The following MRTFA variants were observed in gnomAD, a reference collection of about 807,000 sequenced individuals.
MRTFA encodes myocardin-related transcription factor A.
A neutral mutation model predicts 83.5 loss-of-function variants in MRTFA; 20 were observed. The ratio of observed to expected loss-of-function variants is 0.24; its 90% confidence interval spans 0.17 to 0.35. MRTFA has a LOEUF of 0.35. Among genes scored for constraint, MRTFA ranks in the 10% least tolerant of loss-of-function variants. The pLI, the probability that MRTFA is intolerant of heterozygous loss-of-function variation, is 1.00. For missense variants in MRTFA, 1,200 were observed against 1,224.7 expected, an observed-to-expected ratio of 0.98 and a Z score of 0.30; for synonymous variants, 659 against 541.2, an observed-to-expected ratio of 1.22 and a Z score of -3.02.
At chr22:40,493,396 G>C (rs1451707417) in intron 3 of MRTFA, among the ~76,000 whole-genome samples, 1 of 152,170 alleles carries the variant, frequency 6.6e-6, no homozygotes, top group African/African-American at 2.4e-5. Context: ...ACTAGATAAA[G>C]TATAAGAATC....
chr22:40,474,455 A>G (rs2053960988), intron 3 of MRTFA, among the ~76,000 whole-genome samples: 1 of 152,252 alleles, frequency 6.6e-6, no homozygotes, highest in Non-Finnish European at 1.5e-5. Context: ...CATAAAAACA[A>G]GTAAGTTAAG....
chr22:40,625,267 C>A (rs990038423), intron 1 of MRTFA, among the ~76,000 whole-genome samples: 1 of 151,412 alleles, frequency 6.6e-6, no homozygotes, highest in Non-Finnish European at 1.5e-5. Flanking sequence ...ATCACTTGAG[C>A]CCAGGAGATC....
chr22:40,577,014 G>C (rs192736502), intron 2 of MRTFA, among the ~76,000 whole-genome samples: 4 of 152,230 alleles, frequency 2.6e-5, no homozygotes, highest in Admixed American at 1.3e-4. Flanking sequence ...CTTGAGCCCA[G>C]GAGTTTGAGA....
chr22:40,578,496 G>A (rs952253827), intron 2 of MRTFA, among the ~76,000 whole-genome samples: 30 of 152,236 alleles, frequency 2.0e-4, no homozygotes, highest in African/African-American at 7.2e-4. Context: ...GCCAGGCGCA[G>A]TGGCTCAGAC....
chr22:40,505,109 A>G (rs1393462125), intron 3 of MRTFA, among the ~76,000 whole-genome samples: 1 of 152,238 alleles, frequency 6.6e-6, no homozygotes, highest in Non-Finnish European at 1.5e-5. Flanking sequence ...CACAGCATCT[A>G]GTCCACTGTC....
intron 2 of MRTFA, among the ~76,000 whole-genome samples, chr22:40,573,416 G>A (rs1465579611): frequency 1.3e-5 from 2 of 151,956 alleles, no homozygotes; most frequent in African/African-American, 4.8e-5. Flanking sequence ...CACCACACCT[G>A]GCTAATTTTT....
At position 40,424,233 on chromosome 22, in the gene MRTFA, G is replaced by T; in HGVS notation, c.750C>A (p.Leu250=). 1 of 1,606,294 alleles carries T rather than the reference G, an allele frequency of 6.2e-7. No homozygotes were observed. The highest frequency in any genetic ancestry group is 1.1e-5 in the South Asian group (1 of 89,990). The change falls in exon 8 of 15, where the codon CTC becomes CTA. Residue 250 remains leucine (L), a synonymous_variant. Transcript: ENST00000355630. ...GGGTGGGGGATGCAGAGGTGGCACT[G>T]AGCAGTGGTTCGCTGACTCGGGCCT...
intron 2 of MRTFA, among the ~76,000 whole-genome samples, chr22:40,565,450 G>GTT (rs1347356793): frequency 6.6e-6 from 1 of 152,184 alleles, no homozygotes; most frequent in Non-Finnish European, 1.5e-5. Context: ...CGGGGGCTGA[G>GTT]GTGAGAAGAT....
chr22:40,420,803 G>A (rs1335080651), intron 10 of MRTFA, 44 bp downstream of exon 10: 9 of 1,607,874 alleles, frequency 5.6e-6, no homozygotes, highest in African/African-American at 1.3e-5. Context: ...GGCTCAGGGT[G>A]GCTCGGGGAG....
chr22:40,550,048 CA>C (rs3044559), intron 3 of MRTFA, among the ~76,000 whole-genome samples: 18 of 130,326 alleles, frequency 1.4e-4, no homozygotes, highest in Admixed American at 4.6e-4. Flanking sequence ...GACTCTGTTG[CA>C]AAAAAAAAAA....
intron 2 of MRTFA, among the ~76,000 whole-genome samples, chr22:40,561,931 C>A (rs1423232600): frequency 3.3e-5 from 5 of 152,070 alleles, no homozygotes; most frequent in African/African-American, 9.7e-5. Flanking sequence ...GAGCCCTGTG[C>A]CCCCATGTAA....
intron 3 of MRTFA, among the ~76,000 whole-genome samples, chr22:40,529,278 G>A (rs998994933): frequency 1.3e-5 from 2 of 152,270 alleles, no homozygotes; most frequent in East Asian, 1.9e-4. Flanking sequence ...AAGTACACAG[G>A]TATCAAGGAA....
intron 1 of MRTFA, among the ~76,000 whole-genome samples, chr22:40,609,290 CAAAAA>C (rs56048331): frequency 1.1e-5 from 1 of 92,606 alleles, no homozygotes; most frequent in Non-Finnish European, 2.3e-5. Flanking sequence ...GACTCCTTCT[CAAAAA>C]AAAAAAAAAA....
chr22:40,559,978 TACAC>T (rs145921013), intron 2 of MRTFA, among the ~76,000 whole-genome samples: 6 of 151,810 alleles, frequency 4.0e-5, no homozygotes, highest in African/African-American at 7.2e-5. Flanking sequence ...TCTATACACA[TACAC>T]ACACACACAC....
chr22:40,605,916 T>A (rs1012915098), intron 1 of MRTFA, among the ~76,000 whole-genome samples: 2 of 152,242 alleles, frequency 1.3e-5, no homozygotes, highest in African/African-American at 4.8e-5. Flanking sequence ...AAAGTCAGAT[T>A]AATTTTCATT....
intron 4 of MRTFA, among the ~76,000 whole-genome samples, chr22:40,458,662 T>C (rs1201408343): frequency 6.6e-6 from 1 of 152,124 alleles, no homozygotes; most frequent in Non-Finnish European, 1.5e-5. Context: ...TGATAAAAGA[T>C]ATCAACCAGA....
intron 3 of MRTFA, among the ~76,000 whole-genome samples, chr22:40,536,429 G>A (rs1180608284): frequency 2.0e-5 from 3 of 150,008 alleles, no homozygotes; most frequent in Non-Finnish European, 3.0e-5. Context: ...GCAGCGGCTG[G>A]AGGAGCGGAC....
At chr22:40,413,889 C>T (rs1421356658) in intron 14 of MRTFA, among the ~76,000 whole-genome samples, 1 of 152,216 alleles carries the variant, frequency 6.6e-6, no homozygotes, top group African/African-American at 2.4e-5. Context: ...TACCACTTCA[C>T]ACCCATTAGG....
intron 3 of MRTFA, among the ~76,000 whole-genome samples, chr22:40,533,357 C>T (rs1017509594): frequency 3.9e-5 from 6 of 152,108 alleles, no homozygotes; most frequent in East Asian, 1.9e-4. Context: ...AACAGGTCTC[C>T]GCAACTGAAT....
Sources: gnomAD v4.1 joint callset for allele counts (sites outside exome capture counted in the v4.1 genomes callset) on GRCh38, gnomAD v4.1.1 for gene constraint, MANE v1.5 for transcripts, NCBI Gene and HGNC (gene_info 2026-07-23, HGNC 2026-07-21) for gene names.